The following ADCY2 variants were observed in gnomAD, a reference collection of about 807,000 sequenced individuals.
ADCY2 encodes the protein adenylate cyclase 2.
In ADCY2, 31 loss-of-function variants were observed where a neutral mutation model predicts 125.2. The ratio of observed to expected loss-of-function variants is 0.25; its 90% CI spans 0.19 to 0.33. The LOEUF (loss-of-function observed/expected upper bound fraction) is 0.33, where lower values mean the gene tolerates loss of function less well. ADCY2 is among the 10% of genes least tolerant of loss of function. The probability of loss-of-function intolerance (pLI) is 1.00; values close to 1 mark genes in which losing one functional copy is unlikely to be tolerated. For missense variants in ADCY2, 904 were observed against 1,418.2 expected, an observed-to-expected ratio of 0.64 and a Z score of 5.82; for synonymous variants, 512 against 548.4, an observed-to-expected ratio of 0.93 and a Z score of 0.93.
rs566932006 is a variant in ADCY2, at chr5:7,472,324, G to A, written c.409-48414G>A. Among the ~76,000 whole-genome samples the A allele has an allele frequency of 5.3e-4, 80 of 152,130 alleles. 1 individual carries two copies. Among genetic ancestry groups the A allele is most frequent in the African/African-American group, 1.6e-3 (66 of 41,512 alleles). On this transcript the variant is annotated intron_variant, in intron 2 of 24. Coordinates refer to ENST00000338316, the MANE Select transcript of ADCY2 (RefSeq NM_020546.3). ...ATTCACTTGTGAATCTATCAAAGGC[G>A]TCTTAAACTCTATTTTCATATTTTT...
chr5:7,621,602 A>C (rs1737955814), intron 3 of ADCY2, among the ~76,000 whole-genome samples: 1 of 152,194 alleles, frequency 6.6e-6, no homozygotes, highest in Non-Finnish European at 1.5e-5. Flanking sequence ...AAGATGAAAT[A>C]ATAAAACAAG....
At chr5:7,532,348 T>C (rs1411608981) in intron 3 of ADCY2, among the ~76,000 whole-genome samples, 1 of 152,216 alleles carries the variant, frequency 6.6e-6, no homozygotes. Flanking sequence ...GTGAGTTCTC[T>C]CATTGTTTGT....
intron 3 of ADCY2, among the ~76,000 whole-genome samples, chr5:7,528,112 T>G (rs991056711): frequency 6.6e-6 from 1 of 152,132 alleles, no homozygotes; most frequent in Non-Finnish European, 1.5e-5. Context: ...TTCAAAGGCA[T>G]TAAAATTGGA....
chr5:7,500,455 A>G lies in ADCY2; in HGVS notation c.409-20283A>G, dbSNP rs186523139. The stretch of plus-strand genomic sequence containing the variant: ...ACTCTGACAAGCATTACATCAGCCC[A>G]TTAACCAAGGTCAACACCAACAGCA... On this transcript the variant is annotated intron_variant, in intron 2 of 24. Transcript: ENST00000338316. Among the ~76,000 whole-genome samples, 306 of 152,318 alleles carry G rather than the reference A, an allele frequency of 2.0e-3. 1 individual carries two copies. Among genetic ancestry groups the G allele is most frequent in the African/African-American group, 6.9e-3 (287 of 41,574 alleles).
chr5:7,808,708 C>A (rs1744840403), intron 22 of ADCY2, among the ~76,000 whole-genome samples: 1 of 152,198 alleles, frequency 6.6e-6, no homozygotes, highest in South Asian at 2.1e-4. Context: ...CCTGCCCCTC[C>A]ACCAGCCCCC....
intron 19 of ADCY2, among the ~76,000 whole-genome samples, chr5:7,787,748 C>T (rs1380833801): frequency 2.0e-5 from 3 of 151,976 alleles, no homozygotes; most frequent in Admixed American, 6.6e-5. Flanking sequence ...ACAGCTGAAC[C>T]GAAATACTCT....
At chr5:7,447,041 C>A (rs748387125) in intron 2 of ADCY2, among the ~76,000 whole-genome samples, 1 of 152,126 alleles carries the variant, frequency 6.6e-6, no homozygotes, top group Non-Finnish European at 1.5e-5. Flanking sequence ...GCAGGTGACG[C>A]ATGTGTTTCT....
chr5:7,641,220 C>T (rs1443661998), intron 4 of ADCY2, among the ~76,000 whole-genome samples: 1 of 152,138 alleles, frequency 6.6e-6, no homozygotes, highest in African/African-American at 2.4e-5. Context: ...CAGTACCTGA[C>T]AAAGATGTGG....
In ADCY2 at chr5:7,828,257, A is replaced by G. The variant is rs2126548689; in HGVS notation, c.*1386A>G. 6.5e-6 allele frequency: 1 copy of G among 152,944 alleles called. No homozygotes were observed. Among genetic ancestry groups the G allele is most frequent in the East Asian group, 1.9e-4 (1 of 5,320 alleles). The allele number at this position is 152,944 out of a possible 1,614,324, so 9.5% of individuals were successfully genotyped here. A position where few individuals can be genotyped will look rare whatever the true frequency, so the allele number is the denominator to read the frequency against. On this transcript the variant is annotated 3_prime_UTR_variant, in exon 25 of 25. Transcript: ENST00000338316. ...CATGGCAGGCATCTGTAAGAAGTAG[A>G]GAACCCAGATGATCTCTTAGGAAGC...
intron 7 of ADCY2, among the ~76,000 whole-genome samples, chr5:7,699,081 A>ATTTTTTTTTTTTTTTTTT (rs561359357): frequency 5.3e-5 from 2 of 37,968 alleles, no homozygotes; most frequent in African/African-American, 9.0e-5. Flanking sequence ...AACAGTAAGC[A>ATTTTTTTTTTTTTTTTTT]TTTTTTTTTT....
intron 14 of ADCY2, among the ~76,000 whole-genome samples, chr5:7,739,215 AT>A (rs1335809737): frequency 2.6e-5 from 4 of 151,918 alleles, no homozygotes; most frequent in Admixed American, 1.3e-4. Flanking sequence ...GGACAAAAAA[AT>A]CATATAGTCT....
intron 2 of ADCY2, among the ~76,000 whole-genome samples, chr5:7,491,614 T>C (rs146048107): frequency 0.014 from 2,103 of 152,320 alleles, 62 homozygotes; most frequent in African/African-American, 0.049. Flanking sequence ...ACAGTTTATA[T>C]AATTTTGGTA....
intron 3 of ADCY2, among the ~76,000 whole-genome samples, chr5:7,545,248 C>T (rs530775960): frequency 6.6e-6 from 1 of 152,350 alleles, no homozygotes; most frequent in Non-Finnish European, 1.5e-5. Context: ...CATGCCCCTC[C>T]ACTTGGTGTC....
chr5:7,506,704 G>A (rs941963190), intron 2 of ADCY2, among the ~76,000 whole-genome samples: 5 of 147,940 alleles, frequency 3.4e-5, no homozygotes, highest in African/African-American at 1.2e-4. Flanking sequence ...TAATGGCAGT[G>A]TATTGTATAA....
intron 4 of ADCY2, among the ~76,000 whole-genome samples, chr5:7,651,848 G>C (rs898774117): frequency 6.6e-6 from 1 of 152,072 alleles, no homozygotes; most frequent in East Asian, 1.9e-4. Flanking sequence ...CTGTCACAAG[G>C]CTGGAGTGCA....
intron 16 of ADCY2, among the ~76,000 whole-genome samples, chr5:7,763,109 T>C (rs943958490): frequency 1.8e-4 from 27 of 152,228 alleles, no homozygotes; most frequent in East Asian, 5.8e-4. Flanking sequence ...TTTTTTTTTT[T>C]CCGAGACGGA....
intron 2 of ADCY2, among the ~76,000 whole-genome samples, chr5:7,490,175 A>G (rs923642274): frequency 6.6e-6 from 1 of 152,216 alleles, no homozygotes; most frequent in Non-Finnish European, 1.5e-5. Context: ...CATAATTGAC[A>G]TTAGTTCTTT....
chr5:7,824,327 A>G (rs891246791), intron 24 of ADCY2, among the ~76,000 whole-genome samples: 1 of 152,162 alleles, frequency 6.6e-6, no homozygotes, highest in Non-Finnish European at 1.5e-5. Context: ...CGAGATGGAC[A>G]GCTTCTTCCT....
intron 2 of ADCY2, among the ~76,000 whole-genome samples, chr5:7,489,288 A>G (rs1390693988): frequency 6.6e-6 from 1 of 152,206 alleles, no homozygotes; most frequent in Non-Finnish European, 1.5e-5. Flanking sequence ...GCACTCGCCA[A>G]TCCAGGGACT....
Sources: allele counts gnomAD v4.1 joint callset (sites outside exome capture counted in the v4.1 genomes callset), GRCh38; gene constraint gnomAD v4.1.1; transcripts MANE v1.5; gene names NCBI Gene and HGNC (gene_info 2026-07-23, HGNC 2026-07-21).